Variants in MAGI2 observed in about 807,000 individuals in gnomAD.
The protein encoded by MAGI2 is membrane associated guanylate kinase, WW and PDZ domain containing 2.
MAGI2 carries 35 observed loss-of-function variants against 133.3 expected under a neutral mutation model. The observed-to-expected ratio is 0.26, with a 90% confidence interval of 0.20 to 0.35. The LOEUF is 0.35. Among genes scored for constraint, MAGI2 ranks in the 10% least tolerant of loss-of-function variants. The probability of loss-of-function intolerance (pLI) is 1.00; values close to 1 mark genes in which losing one functional copy is unlikely to be tolerated. For synonymous variants in MAGI2, 729 were observed against 710.6 expected (o/e 1.03, Z -0.41); for missense variants, 1,636 against 1,863.4 (o/e 0.88, Z 2.25).
At chr7:78,818,073 C>T (rs767944648) in intron 2 of MAGI2, among the ~76,000 whole-genome samples, 1 of 152,112 alleles carries the variant, frequency 6.6e-6, no homozygotes, top group Non-Finnish European at 1.5e-5. Context: ...TGTGCCAGAT[C>T]CAGTTCTATT....
intron 6 of MAGI2, among the ~76,000 whole-genome samples, chr7:78,387,281 C>T (rs557111853): frequency 6.6e-6 from 1 of 152,240 alleles, no homozygotes; most frequent in South Asian, 2.1e-4. Context: ...GAAGTCTTTA[C>T]AACTCTAGGC....
intron 1 of MAGI2, among the ~76,000 whole-genome samples, chr7:79,399,708 G>GA (rs768092446): frequency 1.6e-4 from 24 of 152,236 alleles, no homozygotes; most frequent in Admixed American, 7.2e-4. Context: ...CTTGACTGCT[G>GA]AAACTGTGGT....
chr7:78,276,563 T>G (rs1040848523), intron 9 of MAGI2, among the ~76,000 whole-genome samples: 1 of 152,130 alleles, frequency 6.6e-6, no homozygotes, highest in African/African-American at 2.4e-5. Context: ...TCTTATAGAC[T>G]CTTTACTAAT....
chr7:78,143,945 C>T (rs1823025305), intron 16 of MAGI2, among the ~76,000 whole-genome samples: 1 of 147,824 alleles, frequency 6.8e-6, no homozygotes, highest in African/African-American at 2.5e-5. Flanking sequence ...TTTTTGGCCA[C>T]AGACTCTTTT....
chr7:79,067,428 T>C (rs1814467682), intron 1 of MAGI2, among the ~76,000 whole-genome samples: 1 of 152,206 alleles, frequency 6.6e-6, no homozygotes, highest in South Asian at 2.1e-4. Context: ...TGTATAGGAA[T>C]GCTTGTGATT....
At chr7:79,005,819 A>G (rs1285691434) in intron 2 of MAGI2, among the ~76,000 whole-genome samples, 1 of 152,196 alleles carries the variant, frequency 6.6e-6, no homozygotes. Flanking sequence ...TCAAACTTAC[A>G]AGTTTAAGAA....
chr7:78,256,434 G>A lies in MAGI2; in HGVS notation c.1556C>T (p.Pro519Leu). 6.2e-7 allele frequency: 1 copy of A among 1,613,920 alleles called. No individual in the cohort carries two copies. Among genetic ancestry groups the A allele is most frequent in the Non-Finnish European group, 8.5e-7 (1 of 1,179,966 alleles). The change falls in exon 10 of 22, where the codon CCT becomes CTT. Residue 519 changes from proline to leucine, a missense_variant. Transcript: ENST00000354212. ...GYPLPFDPED[P>L]ANSMVPPLAI... ...AAGGGGTGGCACCATGCTGTTAGCAGGGTCTTCAGGATCAAAGGGCAAAGG... is the reference window on the plus strand; with the variant it reads ...AAGGGGTGGCACCATGCTGTTAGCAAGGTCTTCAGGATCAAAGGGCAAAGG...
At chr7:78,715,179 T>G (rs1046427937) in intron 2 of MAGI2, among the ~76,000 whole-genome samples, 21 of 152,212 alleles carry the variant, frequency 1.4e-4, no homozygotes, top group African/African-American at 4.6e-4. Flanking sequence ...ATTGGGAGAA[T>G]GTGGGAGGGA....
chr7:78,965,234 T>C (rs976184947), intron 2 of MAGI2, among the ~76,000 whole-genome samples: 3 of 151,628 alleles, frequency 2.0e-5, no homozygotes, highest in Admixed American at 2.0e-4. Context: ...TATCAATGTA[T>C]GATAAAGAAT....
intron 1 of MAGI2, among the ~76,000 whole-genome samples, chr7:79,021,617 C>T (rs1196189903): frequency 2.0e-5 from 3 of 152,166 alleles, no homozygotes; most frequent in African/African-American, 7.2e-5. Context: ...TTACTCAATG[C>T]CTATATCACC....
At chr7:78,143,955 T>G (rs1277305346) in intron 16 of MAGI2, among the ~76,000 whole-genome samples, 1 of 151,834 alleles carries the variant, frequency 6.6e-6, no homozygotes, top group African/African-American at 2.4e-5. Context: ...CAGACTCTTT[T>G]GTTTCTGTCT....
At chr7:79,146,692 C>T (rs1276901285) in intron 1 of MAGI2, among the ~76,000 whole-genome samples, 1 of 152,200 alleles carries the variant, frequency 6.6e-6, no homozygotes, top group African/African-American at 2.4e-5. Flanking sequence ...TGACTTTGCT[C>T]CTCATTCACC....
chr7:78,478,365 A>G (rs1227889133), intron 6 of MAGI2, among the ~76,000 whole-genome samples: 1 of 151,864 alleles, frequency 6.6e-6, no homozygotes, highest in Non-Finnish European at 1.5e-5. Flanking sequence ...GTGGTATTAA[A>G]TGGTGGACAC....
At chr7:79,005,203 G>A (rs1245308917) in intron 2 of MAGI2, among the ~76,000 whole-genome samples, 1 of 151,418 alleles carries the variant, frequency 6.6e-6, no homozygotes, top group Non-Finnish European at 1.5e-5. Context: ...TCACTTTTTT[G>A]CCAAGTTAAA....
intron 9 of MAGI2, among the ~76,000 whole-genome samples, chr7:78,324,170 CACACT>C (rs71085522): frequency 0.031 from 3,983 of 127,226 alleles, 59 homozygotes; most frequent in Admixed American, 0.033. Flanking sequence ...CACTACACTA[CACACT>C]ACACTACACT....
chr7:78,581,921 T>C (rs1450546555), intron 3 of MAGI2, among the ~76,000 whole-genome samples: 2 of 152,158 alleles, frequency 1.3e-5, no homozygotes, highest in Non-Finnish European at 2.9e-5. Context: ...TTCTTGTGCC[T>C]TCAGAAGTAA....
chr7:79,120,950 G>T (rs1329913065), intron 1 of MAGI2, among the ~76,000 whole-genome samples: 1 of 151,928 alleles, frequency 6.6e-6, no homozygotes, highest in Admixed American at 6.6e-5. Flanking sequence ...ATAAGTTTAG[G>T]GTTGCCAGAA....
At chr7:79,113,943 T>C (rs1381209315) in intron 1 of MAGI2, among the ~76,000 whole-genome samples, 1 of 152,188 alleles carries the variant, frequency 6.6e-6, no homozygotes, top group African/African-American at 2.4e-5. Flanking sequence ...GAACAGTATA[T>C]GTCTTTTTCT....
chr7:78,723,008 C>A (rs1820411990), intron 2 of MAGI2, among the ~76,000 whole-genome samples: 1 of 151,982 alleles, frequency 6.6e-6, no homozygotes, highest in South Asian at 2.1e-4. Flanking sequence ...AAATTATTGC[C>A]AAAGAGCACT....
Sources: gnomAD v4.1 joint callset for allele counts (sites outside exome capture counted in the v4.1 genomes callset) on GRCh38, gnomAD v4.1.1 for gene constraint, MANE v1.5 for transcripts, NCBI Gene and HGNC (gene_info 2026-07-23, HGNC 2026-07-21) for gene names.